Variants in CTNNA2 observed in about 807,000 individuals in gnomAD.
CTNNA2 encodes catenin alpha 2.
Under a neutral mutation model 101.0 loss-of-function variants are expected in CTNNA2, and 42 were observed. That is an observed-to-expected ratio of 0.42 (90% CI 0.32 to 0.54). CTNNA2 has a LOEUF of 0.54. Among genes scored for constraint, CTNNA2 ranks in the 20% least tolerant of loss-of-function variants. The pLI is 0.14. For missense variants in CTNNA2, 871 were observed against 1,223.1 expected (o/e 0.71, Z 4.29); for synonymous variants, 450 against 456.4 (o/e 0.99, Z 0.18).
chr2:79,663,929 G>A (rs529959697), intron 2 of CTNNA2, among the ~76,000 whole-genome samples: 21 of 152,164 alleles, frequency 1.4e-4, no homozygotes, highest in Non-Finnish European at 2.4e-4. Context: ...AGTCTGCCTC[G>A]TTTTCTTCTA....
At chr2:79,491,186 T>C (rs1204531375) in intron 4 of CTNNA2, among the ~76,000 whole-genome samples, 2 of 152,180 alleles carry the variant, frequency 1.3e-5, no homozygotes, top group Non-Finnish European at 1.5e-5. Context: ...TGTTTTACAC[T>C]TTTATTCCTC....
At chr2:80,429,942 C>T (rs1339937288) in intron 9 of CTNNA2, among the ~76,000 whole-genome samples, 2 of 152,196 alleles carry the variant, frequency 1.3e-5, no homozygotes, top group Non-Finnish European at 1.5e-5. Context: ...AATGTAAATA[C>T]TACCAGGTAA....
At chr2:79,619,751 C>G (rs1678872465) in intron 1 of CTNNA2, among the ~76,000 whole-genome samples, 1 of 152,186 alleles carries the variant, frequency 6.6e-6, no homozygotes, top group Non-Finnish European at 1.5e-5. Flanking sequence ...CATAATCTCA[C>G]TGACTTAAAA....
At chr2:79,351,076 T>C (rs1321729945) in intron 3 of CTNNA2, among the ~76,000 whole-genome samples, 1 of 152,212 alleles carries the variant, frequency 6.6e-6, no homozygotes, top group Non-Finnish European at 1.5e-5. Flanking sequence ...TCTTTAATTC[T>C]GTAGGTTACC....
At chr2:79,570,307 G>A (rs1337949821) in intron 1 of CTNNA2, among the ~76,000 whole-genome samples, 1 of 151,936 alleles carries the variant, frequency 6.6e-6, no homozygotes, top group Non-Finnish European at 1.5e-5. Flanking sequence ...GTATCTTTTG[G>A]GAAAGCTCTT....
At chr2:80,581,396 C>A (rs1695527290) in intron 13 of CTNNA2, among the ~76,000 whole-genome samples, 1 of 152,054 alleles carries the variant, frequency 6.6e-6, no homozygotes, top group Non-Finnish European at 1.5e-5. Context: ...TCTTTTCTTT[C>A]AATAGATTTG....
chr2:79,335,524 C>G (rs967674738), intron 3 of CTNNA2, among the ~76,000 whole-genome samples: 1 of 152,162 alleles, frequency 6.6e-6, no homozygotes, highest in Admixed American at 6.5e-5. Context: ...TCCTCAATTT[C>G]CTTCCAGGTA....
intron 4 of CTNNA2, among the ~76,000 whole-genome samples, chr2:79,425,032 T>C (rs1042294564): frequency 6.6e-6 from 1 of 152,152 alleles, no homozygotes; most frequent in Non-Finnish European, 1.5e-5. Context: ...TTGTTTATCT[T>C]GCCAAGGTTT....
intron 3 of CTNNA2, among the ~76,000 whole-genome samples, chr2:79,779,095 T>C (rs1345512939): frequency 7.2e-5 from 11 of 152,252 alleles, no homozygotes; most frequent in Non-Finnish European, 1.3e-4. Context: ...TACCTCACTT[T>C]GTTGATGTGA....
intron 2 of CTNNA2, among the ~76,000 whole-genome samples, chr2:79,224,373 T>A (rs1410036276): frequency 1.3e-5 from 2 of 152,130 alleles, no homozygotes. Flanking sequence ...TATTGAAAAC[T>A]GAAGGAATTT....
In CTNNA2 at chr2:80,169,837, T is replaced by C. The variant is rs148422780; in HGVS notation, c.1057-223374T>C. 4.2e-4 allele frequency among the ~76,000 whole-genome samples: 64 copies of C among 152,360 alleles called. 2 individuals carry two copies. The highest frequency in any genetic ancestry group is 1.4e-3 in the African/African-American group (57 of 41,590). On this transcript the variant is annotated intron_variant, in intron 7 of 18. Transcript: ENST00000402739. ...TGCCAGATAGACATGATTTCTAGTC[T>C]TAGTTCTGCCACTTGCCACTTGCGT...
At chr2:80,310,415 G>A (rs183531717) in intron 7 of CTNNA2, among the ~76,000 whole-genome samples, 61 of 152,258 alleles carry the variant, frequency 4.0e-4, no homozygotes, top group African/African-American at 1.3e-3. Context: ...TATTATCCTA[G>A]GAGATAATGG....
Position 80,303,448 on chromosome 2 carries a change from C to G in CTNNA2, c.1057-89763C>G, listed in dbSNP as rs1676568446. ...AGGTGGTGTTGGGCAGTTGGGTGATCTGGTTGGAACTCAGCGTGAGTTCCT... is the reference window on the plus strand; with the variant it reads ...AGGTGGTGTTGGGCAGTTGGGTGATGTGGTTGGAACTCAGCGTGAGTTCCT... On this transcript the variant is annotated intron_variant, in intron 7 of 18. Coordinates refer to ENST00000402739, the MANE Select transcript of CTNNA2 (RefSeq NM_001282597.3). The surrounding 1 kb of genome is among the most constrained non-coding windows in gnomAD (Gnocchi z 7.7). The G allele has an allele frequency of 6.2e-7, 1 of 1,614,234 alleles. No individual in the cohort carries two copies. Among genetic ancestry groups the G allele is most frequent in the Non-Finnish European group, 8.5e-7 (1 of 1,180,054 alleles).
chr2:79,202,066 C>G (rs1674042411), intron 2 of CTNNA2, among the ~76,000 whole-genome samples: 1 of 152,156 alleles, frequency 6.6e-6, no homozygotes, highest in African/African-American at 2.4e-5. Flanking sequence ...AGTCCTTGAT[C>G]AGCCTCCATT....
chr2:79,242,423 G>A (rs1674639032), intron 2 of CTNNA2, among the ~76,000 whole-genome samples: 1 of 152,028 alleles, frequency 6.6e-6, no homozygotes, highest in Admixed American at 6.5e-5. Flanking sequence ...CGAATTTTAT[G>A]TCTAAAGTGG....
chr2:80,556,039 C>G, intron 12 of CTNNA2, 146 bp downstream of exon 12: 1 of 502,686 alleles, frequency 2.0e-6, no homozygotes, highest in South Asian at 6.6e-5. Flanking sequence ...TGAGTGTTCT[C>G]TTTGTTTTTT....
At chr2:79,496,723 G>A (rs1338667535) in intron 4 of CTNNA2, among the ~76,000 whole-genome samples, 5 of 151,020 alleles carry the variant, frequency 3.3e-5, no homozygotes. Flanking sequence ...TTTTATATAT[G>A]TATTTATTTA....
intron 18 of CTNNA2, among the ~76,000 whole-genome samples, chr2:80,632,700 C>G (rs966185547): frequency 6.6e-6 from 1 of 152,126 alleles, no homozygotes; most frequent in South Asian, 2.1e-4. Context: ...ATACCCTCTC[C>G]TGTGGAGCCA....
chr2:79,949,000 GATAA>G (rs944917646), intron 7 of CTNNA2, among the ~76,000 whole-genome samples: 14 of 151,772 alleles, frequency 9.2e-5, no homozygotes, highest in East Asian at 1.9e-4. Flanking sequence ...AAAATAAATG[GATAA>G]ATAAATAAAT....
Sources: gnomAD v4.1 joint callset for allele counts (sites outside exome capture counted in the v4.1 genomes callset) on GRCh38, gnomAD v4.1.1 for gene constraint, Gnocchi (gnomAD v3.1) non-coding constraint, MANE v1.5 for transcripts, NCBI Gene and HGNC (gene_info 2026-07-23, HGNC 2026-07-21) for gene names.